The following AGTPBP1 variants were observed in gnomAD, a reference collection of about 807,000 sequenced individuals.
AGTPBP1 encodes the protein ATP/GTP binding carboxypeptidase 1.
A neutral mutation model predicts 143.9 loss-of-function variants in AGTPBP1; 70 were observed. The ratio of observed to expected loss-of-function variants is 0.49; its 90% CI spans 0.40 to 0.59. The LOEUF is 0.59. AGTPBP1 is among the 20% of genes least tolerant of loss of function. The pLI, the probability that AGTPBP1 is intolerant of heterozygous loss-of-function variation, is 0.00. For synonymous variants in AGTPBP1, 463 were observed against 500.2 expected, an observed-to-expected ratio of 0.93 and a Z score of 0.99; for missense variants, 1,229 against 1,464.5, an observed-to-expected ratio of 0.84 and a Z score of 2.62.
chr9:85,643,473 T>C (rs1450758166), intron 12 of AGTPBP1, among the ~76,000 whole-genome samples: 1 of 152,170 alleles, frequency 6.6e-6, no homozygotes, highest in Non-Finnish European at 1.5e-5. Flanking sequence ...GTTAGAGTGA[T>C]TCTGAAGCAC....
chr9:85,783,876 T>C, the AGTPBP1 span, among the ~76,000 whole-genome samples: 1 of 152,186 alleles, frequency 6.6e-6, no homozygotes, highest in African/African-American at 2.4e-5. Flanking sequence ...CCACCAGCCT[T>C]GGCCTCCCAA....
the AGTPBP1 span, among the ~76,000 whole-genome samples, chr9:85,769,656 T>C: frequency 6.6e-6 from 1 of 152,104 alleles, no homozygotes; most frequent in East Asian, 1.9e-4. Flanking sequence ...TAACATTTCA[T>C]AGGAATCTTA....
chr9:85,641,948 C>T (rs1832501546), intron 13 of AGTPBP1, among the ~76,000 whole-genome samples: 1 of 152,170 alleles, frequency 6.6e-6, no homozygotes, highest in Non-Finnish European at 1.5e-5. Context: ...ATCTGCCCAC[C>T]TCGGCCTCCC....
At chr9:85,576,093 ACCTC>A (rs777964285) in intron 24 of AGTPBP1, among the ~76,000 whole-genome samples, 1 of 152,122 alleles carries the variant, frequency 6.6e-6, no homozygotes, top group Non-Finnish European at 1.5e-5. Context: ...TTTTATCTTA[ACCTC>A]CCTATCTTTT....
intron 11 of AGTPBP1, among the ~76,000 whole-genome samples, chr9:85,654,498 G>A (rs540572765): frequency 1.4e-4 from 22 of 151,872 alleles, no homozygotes; most frequent in South Asian, 1.0e-3. Context: ...ATGTAAACCC[G>A]AACATAATTT....
At chr9:85,751,401 A>T in the AGTPBP1 span, among the ~76,000 whole-genome samples, 1 of 152,214 alleles carries the variant, frequency 6.6e-6, no homozygotes, top group East Asian at 1.9e-4. Context: ...TCCATTTTAA[A>T]AATTGTTAGA....
At chr9:85,607,291 A>G (rs980882251) in intron 17 of AGTPBP1, among the ~76,000 whole-genome samples, 1 of 152,086 alleles carries the variant, frequency 6.6e-6, no homozygotes, top group Non-Finnish European at 1.5e-5. Context: ...ATAAAAAACA[A>G]TTATTATTAC....
intron 14 of AGTPBP1, among the ~76,000 whole-genome samples, chr9:85,630,098 CT>C (rs1831559202): frequency 6.6e-6 from 1 of 152,160 alleles, no homozygotes; most frequent in African/African-American, 2.4e-5. Flanking sequence ...AAGATGACAT[CT>C]TTGACTTTGG....
chr9:85,735,289 G>A (rs1315969686), intron 1 of AGTPBP1, among the ~76,000 whole-genome samples: 2 of 152,160 alleles, frequency 1.3e-5, no homozygotes, highest in Non-Finnish European at 2.9e-5. Context: ...GATAAACGCT[G>A]TATGATTGAT....
intron 8 of AGTPBP1, among the ~76,000 whole-genome samples, chr9:85,663,331 C>G (rs965576617): frequency 3.9e-5 from 6 of 152,106 alleles, no homozygotes; most frequent in African/African-American, 1.4e-4. Flanking sequence ...ACCAATCACA[C>G]TGGAAATCCT....
chr9:85,649,856 C>T (rs1464217459), intron 11 of AGTPBP1, among the ~76,000 whole-genome samples: 1 of 151,996 alleles, frequency 6.6e-6, no homozygotes, highest in Non-Finnish European at 1.5e-5. Flanking sequence ...TTACAATAAA[C>T]TTACTTTCTT....
the AGTPBP1 span, among the ~76,000 whole-genome samples, chr9:85,769,466 G>C: frequency 6.7e-6 from 1 of 148,992 alleles, no homozygotes; most frequent in African/African-American, 2.5e-5. Flanking sequence ...TAGGAGGTTT[G>C]CTTGGGCCCA....
chr9:85,764,870 C>A, the AGTPBP1 span: 1 of 1,264,518 alleles, frequency 7.9e-7, no homozygotes. Context: ...GCTCCAGAAA[C>A]GAAGACACAT....
At chr9:85,711,324 T>C (rs567424846) in intron 2 of AGTPBP1, among the ~76,000 whole-genome samples, 1 of 152,322 alleles carries the variant, frequency 6.6e-6, no homozygotes, top group East Asian at 1.9e-4. Flanking sequence ...AGAATTGTCT[T>C]TCAACTGAAA....
chr9:85,691,909 C>T (rs777236001), intron 3 of AGTPBP1, among the ~76,000 whole-genome samples: 14 of 152,094 alleles, frequency 9.2e-5, no homozygotes, highest in Non-Finnish European at 1.9e-4. Flanking sequence ...TTTAAATATT[C>T]TTTTTACATG....
the AGTPBP1 span, among the ~76,000 whole-genome samples, chr9:85,802,023 C>A: frequency 6.6e-6 from 1 of 152,134 alleles, no homozygotes; most frequent in Non-Finnish European, 1.5e-5. Context: ...AATTCCTTTA[C>A]CTCCTTTCAA....
chr9:85,707,844 A>AT (rs1554732083), intron 2 of AGTPBP1, among the ~76,000 whole-genome samples: 1 of 151,750 alleles, frequency 6.6e-6, no homozygotes, highest in Non-Finnish European at 1.5e-5. Flanking sequence ...GTTCTCACTC[A>AT]TAAGTGGCAG....
chr9:85,567,367 A>G (rs1827174905), intron 25 of AGTPBP1, among the ~76,000 whole-genome samples: 1 of 152,142 alleles, frequency 6.6e-6, no homozygotes, highest in Non-Finnish European at 1.5e-5. Flanking sequence ...GAGGCAGGTG[A>G]ATCATTTGAG....
the AGTPBP1 span, chr9:85,786,185 T>C: frequency 2.3e-5 from 37 of 1,600,992 alleles, no homozygotes; most frequent in Non-Finnish European, 3.1e-5. Context: ...CCTGAAAGTA[T>C]GAAATTAAGT....
Sources: gnomAD v4.1 joint callset for allele counts (sites outside exome capture counted in the v4.1 genomes callset) on GRCh38, gnomAD v4.1.1 for gene constraint, MANE v1.5 for transcripts, NCBI Gene and HGNC (gene_info 2026-07-23, HGNC 2026-07-21) for gene names.